The following ACTR3C variants were observed in gnomAD, a reference collection of about 807,000 sequenced individuals.
The protein encoded by ACTR3C is actin-related protein 3C.
ACTR3C carries 18 observed loss-of-function variants against 26.3 expected under a neutral mutation model. That is an observed-to-expected ratio of 0.68 (90% CI 0.47 to 1.01). ACTR3C has a LOEUF of 1.01. Among genes scored for constraint, ACTR3C ranks in the 50% least tolerant of loss-of-function variants. The probability of loss-of-function intolerance (pLI) is 0.00; values close to 1 mark genes in which losing one functional copy is unlikely to be tolerated. For synonymous variants in ACTR3C, 55 were observed against 94.5 expected (o/e 0.58, Z 2.42); for missense variants, 184 against 250.7 (o/e 0.73, Z 1.80).
the ACTR3C span, among the ~76,000 whole-genome samples, chr7:150,132,333 T>C: frequency 6.6e-6 from 1 of 152,236 alleles, no homozygotes; most frequent in African/African-American, 2.4e-5. Context: ...AACCAAAATA[T>C]TGTAGCTTTA....
the ACTR3C span, among the ~76,000 whole-genome samples, chr7:150,128,614 C>T: frequency 6.6e-6 from 1 of 151,590 alleles, no homozygotes; most frequent in African/African-American, 2.4e-5. Context: ...TTCTGTCCTT[C>T]ACTCCTCCTA....
chr7:150,250,880 G>A (rs1432737874), intron 6 of ACTR3C, among the ~76,000 whole-genome samples: 2 of 152,126 alleles, frequency 1.3e-5, no homozygotes, highest in Non-Finnish European at 2.9e-5. Context: ...CTACAGACTT[G>A]GGATAAAAAA....
At chr7:150,231,587 CTCTTT>C in the ACTR3C span, among the ~76,000 whole-genome samples, 1 of 150,498 alleles carries the variant, frequency 6.6e-6, no homozygotes, top group African/African-American at 2.5e-5. Flanking sequence ...CCAAATAAAC[CTCTTT>C]TCTTCATAAA....
the ACTR3C span, among the ~76,000 whole-genome samples, chr7:150,036,442 G>GA: frequency 1.4e-5 from 2 of 146,236 alleles, no homozygotes; most frequent in Non-Finnish European, 3.1e-5. Flanking sequence ...GCATACAATG[G>GA]AAAAGGCTTT....
chr7:150,006,495 C>A, the ACTR3C span, among the ~76,000 whole-genome samples: 5 of 149,682 alleles, frequency 3.3e-5, no homozygotes, highest in African/African-American at 1.2e-4. Context: ...CCGCAAACGG[C>A]CCAGAATTGA....
chr7:150,198,869 C>T, the ACTR3C span, among the ~76,000 whole-genome samples: 25 of 148,750 alleles, frequency 1.7e-4, no homozygotes, highest in Admixed American at 1.3e-3. Context: ...TCTGCCTGGC[C>T]GCCCCTGCTG....
At chr7:150,207,477 A>G in the ACTR3C span, among the ~76,000 whole-genome samples, 2 of 152,224 alleles carry the variant, frequency 1.3e-5, no homozygotes, top group African/African-American at 4.8e-5. Flanking sequence ...TGAAGGAAGC[A>G]CGGATCGATG....
the ACTR3C span, among the ~76,000 whole-genome samples, chr7:150,104,740 A>G: frequency 1.3e-5 from 2 of 152,056 alleles, no homozygotes; most frequent in Non-Finnish European, 2.9e-5. Context: ...ATGGTTCCTT[A>G]TAGTATAACA....
chr7:150,039,741 G>A, the ACTR3C span, among the ~76,000 whole-genome samples: 1 of 137,578 alleles, frequency 7.3e-6, no homozygotes, highest in East Asian at 2.4e-4. Context: ...CTCGCGGGGG[G>A]TGCCTCCCCC....
the ACTR3C span, among the ~76,000 whole-genome samples, chr7:150,056,357 G>A: frequency 6.6e-6 from 1 of 152,128 alleles, no homozygotes; most frequent in Non-Finnish European, 1.5e-5. Flanking sequence ...ATGAAACCAT[G>A]TATCTGCTTC....
chr7:150,042,265 G>T, the ACTR3C span, among the ~76,000 whole-genome samples: 2 of 28,972 alleles, frequency 6.9e-5, no homozygotes, highest in African/African-American at 1.6e-4. Flanking sequence ...CTTGCGGTGG[G>T]TGCCTCCCCC....
intron 1 of ACTR3C, among the ~76,000 whole-genome samples, chr7:150,300,967 C>G (rs1338744344): frequency 6.6e-6 from 1 of 152,102 alleles, no homozygotes; most frequent in Non-Finnish European, 1.5e-5. Flanking sequence ...TGTACAATCT[C>G]TCTCTTAAGC....
At chr7:150,278,764 T>C (rs543974570) in intron 6 of ACTR3C, among the ~76,000 whole-genome samples, 2 of 152,234 alleles carry the variant, frequency 1.3e-5, no homozygotes, top group Admixed American at 1.3e-4. Context: ...AAGCATCAAA[T>C]AGAAGTTATG....
the ACTR3C span, among the ~76,000 whole-genome samples, chr7:150,125,733 T>C: frequency 6.6e-6 from 1 of 152,328 alleles, no homozygotes; most frequent in South Asian, 2.1e-4. Context: ...CTGCTCCGGC[T>C]GGTACGTAGT....
chr7:149,950,063 G>A, the ACTR3C span, among the ~76,000 whole-genome samples: 3 of 148,800 alleles, frequency 2.0e-5, no homozygotes, highest in East Asian at 2.0e-4. Context: ...TGGCAGCCGC[G>A]TGGCTTGCTC....
the ACTR3C span, among the ~76,000 whole-genome samples, chr7:150,230,555 C>A: frequency 6.6e-6 from 1 of 152,084 alleles, no homozygotes; most frequent in Admixed American, 6.5e-5. Flanking sequence ...GGAGCGCAAG[C>A]CCTATTGTGA....
rs540289823 is a variant in ACTR3C, at chr7:150,307,988, T to C, written c.-51-12641A>G. On this transcript the variant is annotated intron_variant, in intron 1 of 7. Coordinates refer to ENST00000683684, the MANE Select transcript of ACTR3C (RefSeq NM_001164458.2). ...TTCTGGTAGAGACAGAGAAGACACG[T>C]TTTATCTGTGGACTCCAAACTCTGG... 4.6e-5 allele frequency among the ~76,000 whole-genome samples: 7 copies of C among 152,282 alleles called. No homozygotes were observed. In the East Asian group the frequency reaches 1.3e-3, roughly 29 times the overall value.
At chr7:149,888,632 A>G in the ACTR3C span, among the ~76,000 whole-genome samples, 2 of 152,336 alleles carry the variant, frequency 1.3e-5, no homozygotes, top group East Asian at 1.9e-4. Flanking sequence ...ATCCTAGTGA[A>G]TCTAGTGCCA....
chr7:150,069,187 T>C, the ACTR3C span, among the ~76,000 whole-genome samples: 1 of 152,244 alleles, frequency 6.6e-6, no homozygotes, highest in South Asian at 2.1e-4. Flanking sequence ...TCACAGGTAA[T>C]GCCAAAACTA....
Sources: gnomAD v4.1 joint callset for allele counts (sites outside exome capture counted in the v4.1 genomes callset) on GRCh38, gnomAD v4.1.1 for gene constraint, MANE v1.5 for transcripts, NCBI Gene and HGNC (gene_info 2026-07-23, HGNC 2026-07-21) for gene names.